Variants in ADAMTSL1 observed in about 807,000 individuals in gnomAD.
ADAMTSL1 encodes ADAMTS like 1, also known as ADAMTS-like protein 1.
ADAMTSL1 carries 126 observed loss-of-function variants against 201.8 expected under a neutral mutation model. The ratio of observed to expected loss-of-function variants is 0.62; its 90% confidence interval spans 0.54 to 0.72. The LOEUF is 0.72. Ranked by LOEUF, ADAMTSL1 falls within the 30% of genes least tolerant of loss-of-function variation. The pLI, the probability that ADAMTSL1 is intolerant of heterozygous loss-of-function variation, is 0.00. For synonymous variants in ADAMTSL1, 1,121 were observed against 903.4 expected (o/e 1.24, Z -4.32); for missense variants, 2,679 against 2,277.8 (o/e 1.18, Z -3.59).
chr9:18,830,060 G>C, intron 23 of ADAMTSL1, 83 bp downstream of exon 23: 1 of 1,511,044 alleles, frequency 6.6e-7, no homozygotes, highest in Non-Finnish European at 8.9e-7. Context: ...CAGGTGGGAA[G>C]GAGGCAGCAG....
intron 1 of ADAMTSL1, among the ~76,000 whole-genome samples, chr9:17,936,932 G>A (rs1022859380): frequency 2.6e-5 from 4 of 152,122 alleles, no homozygotes; most frequent in African/African-American, 9.7e-5. Context: ...TTTGGGTTGG[G>A]TTGTTGGAGG....
At chr9:18,584,310 C>T (rs73431676) in intron 4 of ADAMTSL1, among the ~76,000 whole-genome samples, 1 of 151,356 alleles carries the variant, frequency 6.6e-6, no homozygotes, top group Non-Finnish European at 1.5e-5. Context: ...CACAAGCTCT[C>T]TTCTTTTGTC....
At chr9:18,635,667 G>T (rs557950039) in intron 5 of ADAMTSL1, among the ~76,000 whole-genome samples, 4 of 151,998 alleles carry the variant, frequency 2.6e-5, no homozygotes, top group Admixed American at 2.6e-4. Context: ...TTTTAAAATC[G>T]AAAATGAAAA....
At chr9:18,836,019 T>G (rs1825289595) in intron 23 of ADAMTSL1, among the ~76,000 whole-genome samples, 2 of 152,158 alleles carry the variant, frequency 1.3e-5, no homozygotes, top group Non-Finnish European at 2.9e-5. Context: ...TGAATACATA[T>G]CCAGTAATGG....
At chr9:18,587,735 A>T (rs1372665036) in intron 4 of ADAMTSL1, among the ~76,000 whole-genome samples, 1 of 152,114 alleles carries the variant, frequency 6.6e-6, no homozygotes, top group Non-Finnish European at 1.5e-5. Context: ...AACATGCAAT[A>T]TTTGTCTTTC....
chr9:18,033,953 T>C (rs1412211323), intron 1 of ADAMTSL1, among the ~76,000 whole-genome samples: 2 of 152,208 alleles, frequency 1.3e-5, no homozygotes, highest in African/African-American at 4.8e-5. Flanking sequence ...GTTTTGTCTC[T>C]GTTATCATTC....
At chr9:18,190,337 C>G (rs762093697) in intron 2 of ADAMTSL1, among the ~76,000 whole-genome samples, 1 of 152,132 alleles carries the variant, frequency 6.6e-6, no homozygotes, top group Non-Finnish European at 1.5e-5. Flanking sequence ...TAATCCTTGA[C>G]CATTTAAATG....
At chr9:18,618,740 G>A (rs140368400) in intron 4 of ADAMTSL1, among the ~76,000 whole-genome samples, 2 of 152,180 alleles carry the variant, frequency 1.3e-5, no homozygotes, top group Non-Finnish European at 2.9e-5. Flanking sequence ...GAAGGCAGAG[G>A]GCAGAAAAGG....
chr9:18,076,976 G>A (rs556235050), intron 1 of ADAMTSL1, among the ~76,000 whole-genome samples: 3 of 152,192 alleles, frequency 2.0e-5, no homozygotes, highest in Admixed American at 1.3e-4. Context: ...AGATGGCTAC[G>A]GAAGATAAAG....
chr9:17,930,585 A>G (rs1007790315), intron 1 of ADAMTSL1, among the ~76,000 whole-genome samples: 14 of 152,128 alleles, frequency 9.2e-5, no homozygotes, highest in African/African-American at 3.4e-4. Flanking sequence ...TATATGTGCA[A>G]GTGTGTGGCT....
At chr9:18,114,024 G>A (rs1211009934) in intron 1 of ADAMTSL1, among the ~76,000 whole-genome samples, 5 of 152,086 alleles carry the variant, frequency 3.3e-5, no homozygotes, top group Admixed American at 3.3e-4. Context: ...ATAGAAGCTT[G>A]AGATAGATTA....
intron 1 of ADAMTSL1, among the ~76,000 whole-genome samples, chr9:18,147,244 A>G (rs1165197215): frequency 1.3e-5 from 2 of 152,136 alleles, no homozygotes; most frequent in Non-Finnish European, 2.9e-5. Flanking sequence ...TAGAAAACCT[A>G]GACTAATTTT....
chr9:18,106,312 CT>C (rs1651239120), intron 1 of ADAMTSL1, among the ~76,000 whole-genome samples: 1 of 152,180 alleles, frequency 6.6e-6, no homozygotes. Context: ...CTGGCCCATG[CT>C]GTTTTGCATC....
intron 1 of ADAMTSL1, among the ~76,000 whole-genome samples, chr9:18,160,427 A>G (rs1356805812): frequency 6.6e-6 from 1 of 151,992 alleles, no homozygotes; most frequent in Non-Finnish European, 1.5e-5. Context: ...TAACATAGCC[A>G]TTAGCCATAC....
At chr9:18,118,386 C>T (rs1358082994) in intron 1 of ADAMTSL1, among the ~76,000 whole-genome samples, 2 of 152,156 alleles carry the variant, frequency 1.3e-5, no homozygotes, top group East Asian at 3.9e-4. Context: ...CTACCAGTAT[C>T]CAAGGACACA....
chr9:18,828,660 T>TTATATATATATATATATATATA (rs1554643931), intron 22 of ADAMTSL1, among the ~76,000 whole-genome samples: 3 of 28,530 alleles, frequency 1.1e-4, no homozygotes, highest in Non-Finnish European at 2.2e-4. Flanking sequence ...GAAAGTATAT[T>TTATATATATATATATATATATA]TATATATATA....
chr9:18,229,014 C>T (rs984609487), intron 2 of ADAMTSL1, among the ~76,000 whole-genome samples: 5 of 151,962 alleles, frequency 3.3e-5, no homozygotes, highest in Non-Finnish European at 5.9e-5. Context: ...ATTTTATAGA[C>T]CTCCATGGTG....
intron 16 of ADAMTSL1, among the ~76,000 whole-genome samples, chr9:18,764,945 T>C (rs1374188844): frequency 2.0e-5 from 3 of 152,228 alleles, no homozygotes; most frequent in Admixed American, 2.0e-4. Context: ...AGTTGTGTTA[T>C]TTTCAATGAG....
intron 1 of ADAMTSL1, among the ~76,000 whole-genome samples, chr9:18,486,745 G>A (rs1161851991): frequency 6.6e-6 from 1 of 152,072 alleles, no homozygotes; most frequent in Non-Finnish European, 1.5e-5. Flanking sequence ...TGTGCTTTTT[G>A]AAAGCTTTAC....
Sources: gnomAD v4.1 joint callset for allele counts (sites outside exome capture counted in the v4.1 genomes callset) on GRCh38, gnomAD v4.1.1 for gene constraint, MANE v1.5 for transcripts, NCBI Gene and HGNC (gene_info 2026-07-23, HGNC 2026-07-21) for gene names.